Variants in GRK3 observed in about 807,000 individuals in gnomAD.
GRK3 encodes the protein adrenergic, beta, receptor kinase 2.
In GRK3, 54 loss-of-function variants were observed where a neutral mutation model predicts 95.7. The ratio of observed to expected loss-of-function variants is 0.56; its 90% CI spans 0.45 to 0.71. GRK3 has a LOEUF of 0.71. Among genes scored for constraint, GRK3 ranks in the 30% least tolerant of loss-of-function variants. The pLI is 0.00. For missense variants in GRK3, 649 were observed against 851.2 expected (o/e 0.76, Z 2.96); for synonymous variants, 281 against 290.8 (o/e 0.97, Z 0.34).
chr22:25,725,321 T>A lies in GRK3; in HGVS notation c.*2871T>A. ...AATTGAGGTTGATATTTTTACAAAA[T>A]CATGCGGTAATAAGTCTTGATTTCA... On this transcript the variant is annotated 3_prime_UTR_variant, in exon 21 of 21. Coordinates refer to ENST00000324198, the MANE Select transcript of GRK3 (RefSeq NM_005160.4). 1 of 377,280 alleles carries A rather than the reference T, an allele frequency of 2.7e-6. No homozygotes were observed. Among genetic ancestry groups the A allele is most frequent in the Admixed American group, 4.5e-5 (1 of 22,110 alleles). 23.4% of individuals were successfully genotyped at this position (377,280 alleles called of 1,614,324 possible). A position where few individuals can be genotyped will look rare whatever the true frequency, so the allele number is the denominator to read the frequency against.
intron 6 of GRK3, among the ~76,000 whole-genome samples, chr22:25,670,818 C>T (rs952235766): frequency 1.3e-5 from 2 of 150,854 alleles, no homozygotes; most frequent in African/African-American, 4.9e-5. Context: ...CTATGGGAGG[C>T]CGAGGCGGGC....
At chr22:25,661,731 T>TTCA in intron 4 of GRK3, 54 bp downstream of exon 4, 1 of 1,136,972 alleles carries the variant, frequency 8.8e-7, no homozygotes, top group Non-Finnish European at 1.3e-6. Context: ...AGGGACCATG[T>TTCA]TCAGCGTTTC....
intron 10 of GRK3, among the ~76,000 whole-genome samples, chr22:25,686,295 G>A (rs2085113664): frequency 6.6e-6 from 1 of 151,956 alleles, no homozygotes; most frequent in Non-Finnish European, 1.5e-5. Context: ...AGCAAAAGAA[G>A]CCAAACACCA....
At chr22:25,682,829 C>T (rs1191081256) in intron 9 of GRK3, among the ~76,000 whole-genome samples, 1 of 152,222 alleles carries the variant, frequency 6.6e-6, no homozygotes, top group Admixed American at 6.5e-5. Context: ...GTGCCTCTCC[C>T]AGTCACTAAC....
At chr22:25,720,063 A>C (rs1054327336) in intron 19 of GRK3, among the ~76,000 whole-genome samples, 1 of 152,156 alleles carries the variant, frequency 6.6e-6, no homozygotes, top group Admixed American at 6.6e-5. Context: ...CAGGGCTGGG[A>C]AGCATCAGAG....
intron 3 of GRK3, among the ~76,000 whole-genome samples, chr22:25,658,761 G>C (rs1380167338): frequency 2.0e-5 from 3 of 152,056 alleles, no homozygotes; most frequent in African/African-American, 7.2e-5. Flanking sequence ...AGGGGGTGGT[G>C]GTGGCAGGGG....
intron 10 of GRK3, 123 bp from the exon 11 acceptor site, chr22:25,687,414 T>C (rs2085124408): frequency 2.1e-6 from 2 of 930,872 alleles, no homozygotes; most frequent in East Asian, 5.2e-5. Context: ...GAAACATAGG[T>C]ATATAGACCA....
chr22:25,704,011 A>C (rs778928845), intron 14 of GRK3, 98 bp from the exon 15 acceptor site: 2 of 847,730 alleles, frequency 2.4e-6, no homozygotes, highest in Non-Finnish European at 3.8e-6. Context: ...GCAATTTTTA[A>C]TACTATGCTT....
intron 11 of GRK3, among the ~76,000 whole-genome samples, chr22:25,687,950 A>G (rs2085129633): frequency 6.6e-6 from 1 of 152,218 alleles, no homozygotes; most frequent in African/African-American, 2.4e-5. Flanking sequence ...ATGAAAAGCA[A>G]TTTAGGCCAG....
In GRK3 at chr22:25,592,982, G is replaced by A. The variant is rs949526701; in HGVS notation, c.114-11395G>A. ...ACCGCTGCATTCACATTGCTGCAAAGGACATGATTTCATTCTTTTTAATGG... is the reference window on the plus strand; with the variant it reads ...ACCGCTGCATTCACATTGCTGCAAAAGACATGATTTCATTCTTTTTAATGG... On this transcript the variant is annotated intron_variant, in intron 1 of 20. Transcript: ENST00000324198. 1.2e-4 allele frequency among the ~76,000 whole-genome samples: 19 copies of A among 152,148 alleles called. 1 individual carries two copies. The highest frequency in any genetic ancestry group is 4.1e-4 in the African/African-American group (17 of 41,426).
rs975426382 is a variant in GRK3 at position 25,726,965 on chromosome 22, C to A, written c.*4515C>A. 6.4e-5 allele frequency: 9 copies of A among 139,602 alleles called. No individual in the cohort carries two copies. Among genetic ancestry groups the A allele is most frequent in the African/African-American group, 2.1e-4 (8 of 37,788 alleles). 8.6% of individuals were successfully genotyped at this position (139,602 alleles called of 1,614,324 possible). On this transcript the variant is annotated 3_prime_UTR_variant, in exon 21 of 21. Coordinates refer to ENST00000324198, the MANE Select transcript of GRK3 (RefSeq NM_005160.4). ...TGTGTGTGTGTGTGTGTGCACTTTG[C>A]AGCCCCCGAGGTGGAGAGGCAGTGT... is the stretch of plus-strand genomic sequence containing the variant.
At chr22:25,578,349 C>T (rs1410410485) in intron 1 of GRK3, among the ~76,000 whole-genome samples, 1 of 151,938 alleles carries the variant, frequency 6.6e-6, no homozygotes, top group Non-Finnish European at 1.5e-5. Flanking sequence ...AACTCTGAGG[C>T]CAGAAGAAGG....
chr22:25,570,851 G>A (rs1931674948), intron 1 of GRK3, among the ~76,000 whole-genome samples: 1 of 151,982 alleles, frequency 6.6e-6, no homozygotes, highest in South Asian at 2.1e-4. Flanking sequence ...GTAATAATGT[G>A]GCTCTTCATA....
intron 8 of GRK3, 152 bp from the exon 9 acceptor site, chr22:25,678,664 T>A: frequency 2.3e-6 from 1 of 441,698 alleles, no homozygotes; most frequent in East Asian, 3.6e-5. Context: ...ACATGCAAAA[T>A]AAAAATACTT....
rs1330526162 is a variant in GRK3 at position 25,605,050 on chromosome 22, A to C, written c.190+597A>C. ...TTACTCCGATAATAAAATATTAACC[A>C]GTAAATAATAAAATAGTTACCAGTA... is the stretch of plus-strand genomic sequence containing the variant. On this transcript the variant is annotated intron_variant, in intron 2 of 20. Transcript: ENST00000324198. Among the ~76,000 whole-genome samples the C allele has an allele frequency of 5.2e-5, 8 of 152,402 alleles. No homozygotes were observed. In the East Asian group the frequency reaches 1.5e-3, roughly 29 times the overall value.
chr22:25,571,952 C>T (rs41258234), intron 1 of GRK3, among the ~76,000 whole-genome samples: 3,559 of 152,090 alleles, frequency 0.023, 46 homozygotes, highest in East Asian at 0.037. Context: ...TGGTGTGCTG[C>T]ACCCATTAAC....
At chr22:25,626,589 T>C (rs905796069) in intron 2 of GRK3, among the ~76,000 whole-genome samples, 5 of 152,224 alleles carry the variant, frequency 3.3e-5, no homozygotes, top group African/African-American at 9.6e-5. Flanking sequence ...TTTAAAAAAA[T>C]ACCTCTGTTA....
chr22:25,696,236 T>C (rs780478236), intron 13 of GRK3, among the ~76,000 whole-genome samples: 2 of 152,256 alleles, frequency 1.3e-5, no homozygotes, highest in Admixed American at 6.5e-5. Context: ...CACCTCAGCC[T>C]CCCAAAGTGC....
chr22:25,604,164 G>T, intron 1 of GRK3, among the ~76,000 whole-genome samples: 1 of 152,306 alleles, frequency 6.6e-6, no homozygotes, highest in South Asian at 2.1e-4. Flanking sequence ...GAGTTTCTGC[G>T]TGTTAAGGTT....
Sources: gnomAD v4.1 joint callset for allele counts (sites outside exome capture counted in the v4.1 genomes callset) on GRCh38, gnomAD v4.1.1 for gene constraint, MANE v1.5 for transcripts, NCBI Gene and HGNC (gene_info 2026-07-23, HGNC 2026-07-21) for gene names.